The following JPH3 variants were observed in gnomAD, a reference collection of about 807,000 sequenced individuals.
JPH3 encodes the protein junctophilin-3.
A neutral mutation model predicts 59.6 loss-of-function variants in JPH3; 11 were observed. That is an observed-to-expected ratio of 0.18 (90% CI 0.12 to 0.31). JPH3 has a LOEUF of 0.31. Among genes scored for constraint, JPH3 ranks in the 10% least tolerant of loss-of-function variants. The pLI, the probability that JPH3 is intolerant of heterozygous loss-of-function variation, is 1.00. For missense variants in JPH3, 1,202 were observed against 1,105.7 expected, an observed-to-expected ratio of 1.09 and a Z score of -1.24; for synonymous variants, 673 against 483.6, an observed-to-expected ratio of 1.39 and a Z score of -5.14.
At chr16:87,626,102 G>A (rs529713766) in intron 1 of JPH3, among the ~76,000 whole-genome samples, 3 of 152,198 alleles carry the variant, frequency 2.0e-5, no homozygotes, top group African/African-American at 4.8e-5. Flanking sequence ...GGTGTTTGGT[G>A]GGGGAGGAGC....
Position 87,627,322 on chromosome 16 carries a change from C to T in JPH3, c.383-16936C>T, listed in dbSNP as rs374293202. On this transcript the variant is annotated intron_variant, in intron 1 of 4. Coordinates refer to ENST00000284262, the MANE Select transcript of JPH3 (RefSeq NM_020655.4). ...CCTGCATTTCAGGGTTCCCAGGTGG[C>T]GCCACCAGCTTGAGGGGGTCTTGGC... is the stretch of plus-strand genomic sequence containing the variant. Among the ~76,000 whole-genome samples, 14 of 152,334 alleles carry T rather than the reference C, an allele frequency of 9.2e-5. No individual in the cohort carries two copies. The East Asian group carries it at 2.3e-3, about 25-fold the overall frequency.
intron 2 of JPH3, among the ~76,000 whole-genome samples, chr16:87,665,308 C>T (rs1039456555): frequency 3.9e-5 from 6 of 152,340 alleles, no homozygotes; most frequent in South Asian, 2.1e-4. Flanking sequence ...CTGGCTTCCC[C>T]GGGTTTGGTT....
intron 2 of JPH3, among the ~76,000 whole-genome samples, chr16:87,666,962 A>G (rs2032883306): frequency 6.6e-6 from 1 of 152,118 alleles, no homozygotes. Flanking sequence ...AGCTTCCTAC[A>G]GCTTCCATGA....
chr16:87,602,327 G>A (rs1423000811), upstream of JPH3: 2 of 143,398 alleles, frequency 1.4e-5, no homozygotes, highest in African/African-American at 5.1e-5. Flanking sequence ...GGGGCTGGGG[G>A]CGCGGAGGGC....
chr16:87,665,720 C>G (rs1214255132), intron 2 of JPH3, among the ~76,000 whole-genome samples: 1 of 152,240 alleles, frequency 6.6e-6, no homozygotes, highest in Non-Finnish European at 1.5e-5. Context: ...GAACTGCCCC[C>G]TCTTCCTCCC....
chr16:87,609,116 TG>T (rs1422728761), intron 1 of JPH3, among the ~76,000 whole-genome samples: 14 of 152,264 alleles, frequency 9.2e-5, no homozygotes, highest in African/African-American at 3.1e-4. Context: ...CCACTTGGCA[TG>T]CCTGCCTATG....
chr16:87,663,369 A>C (rs1219402657), intron 2 of JPH3, among the ~76,000 whole-genome samples: 1 of 152,196 alleles, frequency 6.6e-6, no homozygotes, highest in East Asian at 1.9e-4. Flanking sequence ...TGGCCTCCCA[A>C]ACTACTGGGA....
intron 2 of JPH3, among the ~76,000 whole-genome samples, chr16:87,646,445 ACAG>A (rs1238105297): frequency 1.3e-5 from 2 of 152,194 alleles, no homozygotes; most frequent in African/African-American, 2.4e-5. Context: ...AGGGAAATAA[ACAG>A]CAGCCCACGT....
intron 2 of JPH3, among the ~76,000 whole-genome samples, chr16:87,683,169 C>A (rs545944303): frequency 6.6e-6 from 1 of 152,250 alleles, no homozygotes; most frequent in Admixed American, 6.5e-5. Context: ...GAGGTGGTCC[C>A]GCAACCCACA....
At chr16:87,614,377 T>C (rs1243934928) in intron 1 of JPH3, among the ~76,000 whole-genome samples, 2 of 147,776 alleles carry the variant, frequency 1.4e-5, no homozygotes, top group African/African-American at 2.5e-5. Flanking sequence ...CAGGTCCCTG[T>C]ACACAGGAGG....
intron 1 of JPH3, among the ~76,000 whole-genome samples, chr16:87,640,557 G>T (rs1228036261): frequency 6.6e-6 from 1 of 151,576 alleles, no homozygotes. Flanking sequence ...TGCCTAGCTA[G>T]TTTTTTTGTA....
intron 1 of JPH3, among the ~76,000 whole-genome samples, chr16:87,642,782 G>T (rs1479021837): frequency 6.6e-6 from 1 of 152,260 alleles, no homozygotes; most frequent in Non-Finnish European, 1.5e-5. Flanking sequence ...CCACTCTACA[G>T]ACGAGGACAC....
upstream of JPH3, among the ~76,000 whole-genome samples, chr16:87,602,454 GGGGC>G (rs2030248814): frequency 7.9e-6 from 1 of 125,856 alleles, no homozygotes; most frequent in East Asian, 2.6e-4. Context: ...CGGGGGGCGG[GGGGC>G]GGGCGGGGGC....
chr16:87,684,050 C>A, intron 2 of JPH3, 92 bp from the exon 3 acceptor site: 1 of 878,528 alleles, frequency 1.1e-6, no homozygotes, highest in Non-Finnish European at 1.8e-6. Context: ...CTTAGCCCAG[C>A]CCGTTGTTGG....
chr16:87,632,738 C>A (rs561277733), intron 1 of JPH3, among the ~76,000 whole-genome samples: 1 of 152,124 alleles, frequency 6.6e-6, no homozygotes, highest in Non-Finnish European at 1.5e-5. Context: ...ATTAAAAACA[C>A]AAAAATTAGC....
intron 1 of JPH3, among the ~76,000 whole-genome samples, chr16:87,628,153 T>G (rs1015702890): frequency 2.0e-5 from 3 of 152,214 alleles, no homozygotes; most frequent in Non-Finnish European, 4.4e-5. Flanking sequence ...CCACAAGGCA[T>G]GCAAGAGGCT....
intron 2 of JPH3, among the ~76,000 whole-genome samples, chr16:87,676,690 C>A (rs2033148727): frequency 6.6e-6 from 1 of 150,642 alleles, no homozygotes; most frequent in Admixed American, 6.6e-5. Flanking sequence ...GCTGAGATCA[C>A]ACCACTGTAC....
intron 1 of JPH3, among the ~76,000 whole-genome samples, chr16:87,641,856 G>A (rs3903060): frequency 0.27 from 41,280 of 152,204 alleles, 6,076 homozygotes; most frequent in East Asian, 0.4. Flanking sequence ...GGCTCGTGAT[G>A]TGGTTGAGCT....
chr16:87,688,207 G>T (rs756682542), intron 3 of JPH3, among the ~76,000 whole-genome samples: 2 of 151,952 alleles, frequency 1.3e-5, no homozygotes, highest in Admixed American at 6.6e-5. Context: ...CCACACCCCC[G>T]TGTGACAGGA....
Sources: gnomAD v4.1 joint callset for allele counts (sites outside exome capture counted in the v4.1 genomes callset) on GRCh38, gnomAD v4.1.1 for gene constraint, MANE v1.5 for transcripts, NCBI Gene and HGNC (gene_info 2026-07-23, HGNC 2026-07-21) for gene names.